AHCYL2: variants seen among roughly 807,000 people sequenced by gnomAD.
AHCYL2 encodes adenosylhomocysteinase like 2, also known as S-adenosylhomocysteine hydrolase-like protein 2.
Under a neutral mutation model 81.4 loss-of-function variants are expected in AHCYL2, and 28 were observed. The observed-to-expected ratio is 0.34, with a 90% confidence interval of 0.25 to 0.47. AHCYL2 has a LOEUF of 0.47. AHCYL2 is among the 20% of genes least tolerant of loss of function. The probability of loss-of-function intolerance (pLI) is 1.00; values close to 1 mark genes in which losing one functional copy is unlikely to be tolerated. For synonymous variants in AHCYL2, 272 were observed against 290.2 expected (o/e 0.94, Z 0.64); for missense variants, 551 against 785.1 (o/e 0.70, Z 3.56).
At chr7:129,238,522 G>A (rs1794719030) in intron 1 of AHCYL2, among the ~76,000 whole-genome samples, 1 of 152,154 alleles carries the variant, frequency 6.6e-6, no homozygotes. Flanking sequence ...TGCCCTCCAG[G>A]AGAGGATAGG....
At chr7:129,340,324 T>C (rs1360234604) in intron 1 of AHCYL2, among the ~76,000 whole-genome samples, 1 of 150,168 alleles carries the variant, frequency 6.7e-6, no homozygotes. Context: ...TCCCAGCTCT[T>C]TGGGAGGCCA....
At chr7:129,379,038 TG>T (rs1397811398) in intron 1 of AHCYL2, among the ~76,000 whole-genome samples, 1 of 152,118 alleles carries the variant, frequency 6.6e-6, no homozygotes, top group African/African-American at 2.4e-5. Flanking sequence ...CCCAGCACTT[TG>T]GGAGGCCAAG....
At chr7:129,308,150 C>T (rs6467236) in intron 1 of AHCYL2, among the ~76,000 whole-genome samples, 9,361 of 152,098 alleles carry the variant, frequency 0.062, 930 homozygotes, top group African/African-American at 0.21. Context: ...AAGCCCAGCA[C>T]AGCACTAGGA....
chr7:129,318,948 A>G (rs1484663497), intron 1 of AHCYL2, among the ~76,000 whole-genome samples: 1 of 151,692 alleles, frequency 6.6e-6, no homozygotes, highest in Admixed American at 6.6e-5. Context: ...GGGGTAGGGG[A>G]TGGTGGCATG....
intron 1 of AHCYL2, among the ~76,000 whole-genome samples, chr7:129,354,175 C>T (rs1793661650): frequency 6.6e-6 from 1 of 151,866 alleles, no homozygotes; most frequent in African/African-American, 2.4e-5. Flanking sequence ...CAATCAGTCC[C>T]CAAGAAGGTG....
intron 1 of AHCYL2, among the ~76,000 whole-genome samples, chr7:129,275,626 G>GA (rs1318004559): frequency 1.3e-5 from 2 of 151,778 alleles, no homozygotes; most frequent in Admixed American, 6.6e-5. Flanking sequence ...AAAATTATCA[G>GA]AAAAAAATTG....
intron 1 of AHCYL2, among the ~76,000 whole-genome samples, chr7:129,266,400 G>A (rs1207335710): frequency 1.3e-5 from 2 of 152,124 alleles, no homozygotes; most frequent in Non-Finnish European, 1.5e-5. Context: ...GGTGGCTCAC[G>A]CCTGTAATCC....
intron 1 of AHCYL2, among the ~76,000 whole-genome samples, chr7:129,231,323 A>G (rs917205156): frequency 6.6e-6 from 1 of 152,180 alleles, no homozygotes; most frequent in South Asian, 2.1e-4. Flanking sequence ...TACTACTACT[A>G]CTACTACTAG....
At chr7:129,227,493 G>GT (rs1244213028) in intron 1 of AHCYL2, among the ~76,000 whole-genome samples, 10 of 148,694 alleles carry the variant, frequency 6.7e-5, no homozygotes, top group African/African-American at 2.5e-4. Flanking sequence ...GGGCATGGTG[G>GT]TGTGTGCCTA....
rs185282612 is a variant in AHCYL2 at position 129,230,463 on chromosome 7, G to T, written c.363+5024G>T. Among the ~76,000 whole-genome samples, 999 of 152,204 alleles carry T rather than the reference G, an allele frequency of 6.6e-3. 4 individuals carry two copies. Among genetic ancestry groups the T allele is most frequent in the Middle Eastern group, 0.017 (5 of 294 alleles). On this transcript the variant is annotated intron_variant, in intron 1 of 16. Coordinates refer to ENST00000325006, the MANE Select transcript of AHCYL2 (RefSeq NM_015328.4). ...GAAACTGAGTGTCGAAGAGATTAAG[G>T]AATTTGTCTCAAGGTTACACGGTAA... is the stretch of plus-strand genomic sequence containing the variant.
intron 1 of AHCYL2, among the ~76,000 whole-genome samples, chr7:129,248,770 T>C (rs1795148568): frequency 1.3e-5 from 2 of 152,014 alleles, no homozygotes; most frequent in Admixed American, 1.3e-4. Flanking sequence ...TCGGGAGAAT[T>C]CCCATCTTAA....
intron 1 of AHCYL2, among the ~76,000 whole-genome samples, chr7:129,349,347 T>C (rs1486640405): frequency 1.3e-5 from 2 of 151,646 alleles, no homozygotes; most frequent in Non-Finnish European, 2.9e-5. Context: ...TAAGAACTTA[T>C]GTCAGGCCGG....
intron 1 of AHCYL2, among the ~76,000 whole-genome samples, chr7:129,337,926 A>G (rs1793007386): frequency 6.6e-6 from 1 of 150,698 alleles, no homozygotes. Flanking sequence ...TATTTTTAGT[A>G]GAGACGGGGG....
At chr7:129,272,468 A>T (rs1048466816) in intron 1 of AHCYL2, among the ~76,000 whole-genome samples, 7 of 152,154 alleles carry the variant, frequency 4.6e-5, no homozygotes, top group African/African-American at 1.7e-4. Flanking sequence ...TGGTACCTTG[A>T]AATAAGGTGC....
chr7:129,400,024 C>A (rs1415522120), intron 5 of AHCYL2, among the ~76,000 whole-genome samples: 3 of 152,116 alleles, frequency 2.0e-5, no homozygotes, highest in African/African-American at 4.8e-5. Flanking sequence ...CCGCACCTGG[C>A]CCCCTTTCAT....
intron 11 of AHCYL2, among the ~76,000 whole-genome samples, chr7:129,410,695 C>A (rs1324590288): frequency 6.6e-6 from 1 of 152,148 alleles, no homozygotes; most frequent in Admixed American, 6.5e-5. Flanking sequence ...TCTGTTAATT[C>A]CCAAAGAGGT....
intron 1 of AHCYL2, among the ~76,000 whole-genome samples, chr7:129,344,753 A>G (rs1468809705): frequency 6.6e-6 from 1 of 152,210 alleles, no homozygotes; most frequent in Non-Finnish European, 1.5e-5. Context: ...GGAGAGCTAA[A>G]TAAGCTACCA....
intron 1 of AHCYL2, among the ~76,000 whole-genome samples, chr7:129,280,239 G>C (rs1407453899): frequency 7.5e-6 from 1 of 132,974 alleles, no homozygotes; most frequent in South Asian, 2.3e-4. Context: ...GCACGATCTC[G>C]GCTCACTGCA....
chr7:129,398,410 A>G (rs1795851072), intron 5 of AHCYL2, among the ~76,000 whole-genome samples: 1 of 147,410 alleles, frequency 6.8e-6, no homozygotes. Flanking sequence ...ATGAAGTCTC[A>G]CTCTGTCGCC....
Sources: allele counts gnomAD v4.1 joint callset (sites outside exome capture counted in the v4.1 genomes callset), GRCh38; gene constraint gnomAD v4.1.1; transcripts MANE v1.5; gene names NCBI Gene and HGNC (gene_info 2026-07-23, HGNC 2026-07-21).